The following C12orf42 variants were observed in gnomAD, a reference collection of about 807,000 sequenced individuals.
The protein encoded by C12orf42 is chromosome 12 open reading frame 42, also known as uncharacterized protein C12orf42.
A neutral mutation model predicts 21.6 loss-of-function variants in C12orf42; 25 were observed. That is an observed-to-expected ratio of 1.16 (90% CI 0.84 to 1.62). The LOEUF (loss-of-function observed/expected upper bound fraction) is 1.62. Ranked by LOEUF, C12orf42 falls within the 40% of genes most tolerant of loss-of-function variation. The pLI is 0.00. For missense variants in C12orf42, 483 were observed against 459.3 expected (o/e 1.05, Z -0.47); for synonymous variants, 174 against 175.0 (o/e 0.99, Z 0.05).
chr12:103,319,687 C>G (rs1471211426), intron 4 of C12orf42, among the ~76,000 whole-genome samples: 1 of 152,256 alleles, frequency 6.6e-6, no homozygotes, highest in Non-Finnish European at 1.5e-5. Flanking sequence ...CTATGGCCGT[C>G]TGGCCAATAC....
At chr12:103,065,126 G>A in the C12orf42 span, among the ~76,000 whole-genome samples, 2,964 of 152,306 alleles carry the variant, frequency 0.019, 44 homozygotes, top group Non-Finnish European at 0.032. Context: ...TGGAGGGATT[G>A]CAGAGACTAG....
intron 4 of C12orf42, among the ~76,000 whole-genome samples, chr12:103,294,630 AAGAAAG>A (rs1285571521): frequency 1.4e-4 from 21 of 150,810 alleles, no homozygotes; most frequent in Non-Finnish European, 2.4e-4. Flanking sequence ...GAAAGAAAGA[AAGAAAG>A]AAGGAAAAGA....
intron 3 of C12orf42, among the ~76,000 whole-genome samples, chr12:103,372,882 T>G (rs2045383404): frequency 6.6e-6 from 1 of 152,226 alleles, no homozygotes; most frequent in East Asian, 1.9e-4. Flanking sequence ...AATTAATTTA[T>G]GTTTTAAAAC....
chr12:103,330,067 T>C (rs2041106051), intron 4 of C12orf42, among the ~76,000 whole-genome samples: 1 of 152,188 alleles, frequency 6.6e-6, no homozygotes, highest in South Asian at 2.1e-4. Context: ...CCTTCAATTA[T>C]AGAAATATAT....
At chr12:103,365,057 T>C (rs2044476277) in intron 4 of C12orf42, among the ~76,000 whole-genome samples, 1 of 151,980 alleles carries the variant, frequency 6.6e-6, no homozygotes, top group African/African-American at 2.4e-5. Flanking sequence ...CTCATGAACA[T>C]AGATGCAAAA....
chr12:103,101,851 AG>A, the C12orf42 span, among the ~76,000 whole-genome samples: 1 of 152,202 alleles, frequency 6.6e-6, no homozygotes, highest in Non-Finnish European at 1.5e-5. Context: ...CTGTCTGCTA[AG>A]GTGAGGCCTG....
At chr12:103,067,164 G>A in the C12orf42 span, among the ~76,000 whole-genome samples, 3 of 152,200 alleles carry the variant, frequency 2.0e-5, no homozygotes, top group African/African-American at 7.2e-5. Flanking sequence ...TATGGAAAGG[G>A]CAGAGGTTTG....
At chr12:103,379,642 G>A (rs1207782965) in intron 3 of C12orf42, among the ~76,000 whole-genome samples, 1 of 152,182 alleles carries the variant, frequency 6.6e-6, no homozygotes, top group Non-Finnish European at 1.5e-5. Context: ...ATTATCCAAT[G>A]ATTTATTACA....
the C12orf42 span, chr12:103,558,572 T>G: frequency 6.6e-6 from 1 of 152,264 alleles, no homozygotes; most frequent in South Asian, 2.1e-4. Context: ...CATCTTTTCA[T>G]GTACCCCAAA....
the C12orf42 span, among the ~76,000 whole-genome samples, chr12:103,184,945 G>A: frequency 6.6e-6 from 1 of 152,118 alleles, no homozygotes; most frequent in Admixed American, 6.5e-5. Context: ...CCATCTGCAA[G>A]CCAAGGAGAG....
intron 2 of C12orf42, among the ~76,000 whole-genome samples, chr12:103,412,863 C>T (rs1188333557): frequency 6.6e-6 from 1 of 151,952 alleles, no homozygotes; most frequent in Non-Finnish European, 1.5e-5. Context: ...GATATTTAGC[C>T]TTTGTGGGAT....
intron 4 of C12orf42, among the ~76,000 whole-genome samples, chr12:103,285,502 T>C (rs958851700): frequency 6.6e-6 from 1 of 152,200 alleles, no homozygotes; most frequent in Non-Finnish European, 1.5e-5. Context: ...CATTAAATTA[T>C]AAATATACAC....
At chr12:103,210,080 A>T in the C12orf42 span, among the ~76,000 whole-genome samples, 1 of 150,910 alleles carries the variant, frequency 6.6e-6, no homozygotes, top group Admixed American at 6.6e-5. Flanking sequence ...GTCTTCTACT[A>T]TGTGAATTTT....
the C12orf42 span, among the ~76,000 whole-genome samples, chr12:103,548,123 G>A: frequency 2.0e-5 from 3 of 152,214 alleles, no homozygotes; most frequent in African/African-American, 7.2e-5. Flanking sequence ...AGGGGTCTGT[G>A]GTCACACCAG....
the C12orf42 span, among the ~76,000 whole-genome samples, chr12:103,173,411 T>C: frequency 6.6e-6 from 1 of 152,084 alleles, no homozygotes; most frequent in African/African-American, 2.4e-5. Flanking sequence ...CTTTCATGTC[T>C]TAAAGAAAAT....
intron 10 of C12orf42, among the ~76,000 whole-genome samples, chr12:103,252,527 C>T (rs2034360708): frequency 6.6e-6 from 1 of 152,186 alleles, no homozygotes; most frequent in Admixed American, 6.5e-5. Context: ...TTTTGATTTG[C>T]ATGTTGCTAA....
chr12:103,500,007 T>G (rs1222771968), upstream of C12orf42, among the ~76,000 whole-genome samples: 1 of 152,230 alleles, frequency 6.6e-6, no homozygotes, highest in African/African-American at 2.4e-5. Flanking sequence ...TCTTCCTGCA[T>G]CAGAGAAAAT....
At chr12:103,172,146 C>G in the C12orf42 span, among the ~76,000 whole-genome samples, 734 of 152,128 alleles carry the variant, frequency 4.8e-3, 5 homozygotes, top group African/African-American at 0.017. Flanking sequence ...GAGGGAGGCT[C>G]CTCCTGCCTA....
chr12:103,071,749 C>A, the C12orf42 span, among the ~76,000 whole-genome samples: 1 of 152,158 alleles, frequency 6.6e-6, no homozygotes, highest in East Asian at 1.9e-4. Flanking sequence ...TCAAGTGGAA[C>A]TGTGAGTCAA....
Sources: allele counts gnomAD v4.1 joint callset (sites outside exome capture counted in the v4.1 genomes callset), GRCh38; gene constraint gnomAD v4.1.1; transcripts MANE v1.5; gene names NCBI Gene and HGNC (gene_info 2026-07-23, HGNC 2026-07-21).